GRM7: variants seen among roughly 807,000 people sequenced by gnomAD.
GRM7 encodes the protein glutamate metabotropic receptor 7.
GRM7 carries 35 observed loss-of-function variants against 84.5 expected under a neutral mutation model. The ratio of observed to expected loss-of-function variants is 0.41; its 90% confidence interval spans 0.32 to 0.55. The LOEUF is 0.55. GRM7 is among the 20% of genes least tolerant of loss of function. GRM7 has a pLI of 0.19. For synonymous variants in GRM7, 487 were observed against 455.1 expected (o/e 1.07, Z -0.89); for missense variants, 1,003 against 1,194.6 (o/e 0.84, Z 2.36).
Position 7,625,802 on chromosome 3 carries a change from T to A in GRM7, c.2451+46445T>A, listed in dbSNP as rs570774028. Reference sequence around the variant, plus strand: ...GAGATATCCAAGTAGAAATGTAACATGTGCAGTTCAAAGGTAGGACTTCTA... The same window carrying A: ...GAGATATCCAAGTAGAAATGTAACAAGTGCAGTTCAAAGGTAGGACTTCTA... On this transcript the variant is annotated intron_variant, in intron 8 of 9. Transcript: ENST00000357716. Among the ~76,000 whole-genome samples, 135 of 152,232 alleles carry A rather than the reference T, an allele frequency of 8.9e-4. 2 individuals carry two copies. The highest frequency in any genetic ancestry group is 3.2e-3 in the African/African-American group (131 of 41,560).
At chr3:7,628,245 C>A (rs1259268163) in intron 8 of GRM7, among the ~76,000 whole-genome samples, 3 of 152,018 alleles carry the variant, frequency 2.0e-5, no homozygotes, top group Non-Finnish European at 4.4e-5. Context: ...CACACTTTTC[C>A]TGAGGGCCTA....
chr3:7,229,329 A>C (rs564308528), intron 2 of GRM7, among the ~76,000 whole-genome samples: 1 of 152,214 alleles, frequency 6.6e-6, no homozygotes, highest in African/African-American at 2.4e-5. Flanking sequence ...TCCACATGTT[A>C]ATTAATTTAA....
At chr3:7,162,404 T>TA (rs2125079963) in intron 2 of GRM7, among the ~76,000 whole-genome samples, 1 of 152,138 alleles carries the variant, frequency 6.6e-6, no homozygotes, top group South Asian at 2.1e-4. Context: ...AGAGACCAAG[T>TA]AAAAAAGTGT....
chr3:7,181,242 C>T lies in GRM7; in HGVS notation c.736+34574C>T, dbSNP rs139808426. On this transcript the variant is annotated intron_variant, in intron 2 of 9. Coordinates refer to ENST00000357716, the MANE Select transcript of GRM7 (RefSeq NM_000844.4). ...AATGAGGGGACATATGGCATCCCAT[C>T]ACTTATAATGCCATATCTTCCATAC... Among the ~76,000 whole-genome samples the T allele has an allele frequency of 7.9e-3, 1,200 of 152,278 alleles. 9 individuals carry two copies. Among genetic ancestry groups the T allele is most frequent in the Admixed American group, 0.014 (210 of 15,296 alleles).
At chr3:6,924,910 C>A (rs1697247116) in intron 1 of GRM7, among the ~76,000 whole-genome samples, 2 of 152,068 alleles carry the variant, frequency 1.3e-5, no homozygotes, top group Admixed American at 6.6e-5. Context: ...GCCTGTGATT[C>A]TTTTGGGAGT....
At chr3:7,130,566 A>G (rs1038889003) in intron 1 of GRM7, among the ~76,000 whole-genome samples, 20 of 151,080 alleles carry the variant, frequency 1.3e-4, no homozygotes, top group African/African-American at 4.6e-4. Flanking sequence ...AAAAGAAAAA[A>G]AAAAAGGATT....
chr3:7,490,066 T>TA (rs1358016835), intron 7 of GRM7, among the ~76,000 whole-genome samples: 5 of 152,056 alleles, frequency 3.3e-5, no homozygotes, highest in African/African-American at 1.2e-4. Context: ...CTCGAACACT[T>TA]ATACAATTAT....
chr3:7,668,491 C>T (rs1391394174), intron 8 of GRM7, among the ~76,000 whole-genome samples: 2 of 152,222 alleles, frequency 1.3e-5, no homozygotes, highest in Non-Finnish European at 2.9e-5. Flanking sequence ...CACATGTACA[C>T]ATTTAAATAT....
At chr3:7,308,304 C>T (rs545687026) in intron 4 of GRM7, among the ~76,000 whole-genome samples, 24 of 152,186 alleles carry the variant, frequency 1.6e-4, no homozygotes, top group African/African-American at 5.5e-4. Flanking sequence ...GCCATCTCAC[C>T]CCAACCAAGT....
intron 2 of GRM7, among the ~76,000 whole-genome samples, chr3:7,183,275 A>AG (rs1197919196): frequency 6.6e-6 from 1 of 152,184 alleles, no homozygotes; most frequent in Admixed American, 6.6e-5. Context: ...AGCTGTGTAC[A>AG]GGGGAGCAAA....
chr3:7,593,002 G>A (rs1308528500), intron 8 of GRM7, among the ~76,000 whole-genome samples: 1 of 152,118 alleles, frequency 6.6e-6, no homozygotes, highest in African/African-American at 2.4e-5. Context: ...AGATAATGGG[G>A]CTCCCACACA....
intron 9 of GRM7, chr3:7,691,075 C>A: frequency 2.2e-6 from 1 of 445,520 alleles, no homozygotes. Flanking sequence ...ACTTGGATTA[C>A]ACTTTAAATT....
chr3:7,738,122 G>T (rs7616913), intron 9 of GRM7, among the ~76,000 whole-genome samples: 52,725 of 151,868 alleles, frequency 0.35, 11,331 homozygotes, highest in African/African-American at 0.61. Flanking sequence ...GTGCTGGGAT[G>T]ACAGGCATGA....
At chr3:7,424,287 C>T (rs1169535501) in intron 5 of GRM7, among the ~76,000 whole-genome samples, 1 of 150,948 alleles carries the variant, frequency 6.6e-6, no homozygotes, top group Non-Finnish European at 1.5e-5. Flanking sequence ...TTTTGGCCTT[C>T]GTTTAAAACC....
intron 1 of GRM7, among the ~76,000 whole-genome samples, chr3:7,015,893 TGTGTTCATTAGAAATGA>T (rs1470661214): frequency 6.6e-6 from 1 of 152,208 alleles, no homozygotes; most frequent in Non-Finnish European, 1.5e-5. Context: ...CCTACCTTAC[TGTGTTCATTAGAAATGA>T]GTCACTAATT....
chr3:6,994,383 C>A (rs1694758770), intron 1 of GRM7, among the ~76,000 whole-genome samples: 1 of 152,132 alleles, frequency 6.6e-6, no homozygotes, highest in Non-Finnish European at 1.5e-5. Flanking sequence ...AGAGGGGAAA[C>A]AATTCTCTTA....
At chr3:7,345,084 A>G (rs752553999) in intron 4 of GRM7, among the ~76,000 whole-genome samples, 6 of 152,084 alleles carry the variant, frequency 3.9e-5, no homozygotes, top group Non-Finnish European at 5.9e-5. Context: ...ATGTTTTTTA[A>G]AAAAAGGTAA....
intron 1 of GRM7, among the ~76,000 whole-genome samples, chr3:7,102,690 G>A (rs760597960): frequency 2.6e-5 from 4 of 151,542 alleles, no homozygotes; most frequent in Non-Finnish European, 4.4e-5. Flanking sequence ...ACACATACTC[G>A]ACTGTTTTAG....
At chr3:7,726,992 A>G (rs1702154962) in intron 9 of GRM7, among the ~76,000 whole-genome samples, 1 of 151,944 alleles carries the variant, frequency 6.6e-6, no homozygotes, top group Admixed American at 6.6e-5. Context: ...AATATTTGAA[A>G]AGGTCACCAG....
Sources: allele counts gnomAD v4.1 joint callset (sites outside exome capture counted in the v4.1 genomes callset), GRCh38; gene constraint gnomAD v4.1.1; transcripts MANE v1.5; gene names NCBI Gene and HGNC (gene_info 2026-07-23, HGNC 2026-07-21).